DDX10: variants seen among roughly 807,000 people sequenced by gnomAD.
DDX10 encodes probable ATP-dependent RNA helicase DDX10.
A neutral mutation model predicts 104.3 loss-of-function variants in DDX10; 74 were observed. The observed-to-expected ratio is 0.71, with a 90% CI of 0.59 to 0.86. The LOEUF (loss-of-function observed/expected upper bound fraction) is 0.86. Among genes scored for constraint, DDX10 ranks in the 40% least tolerant of loss-of-function variants. The pLI, the probability that DDX10 is intolerant of heterozygous loss-of-function variation, is 0.00. For synonymous variants in DDX10, 351 were observed against 353.4 expected (o/e 0.99, Z 0.08); for missense variants, 952 against 1,040.0 (o/e 0.92, Z 1.16).
chr11:108,895,315 C>T (rs1407773305), intron 16 of DDX10, among the ~76,000 whole-genome samples: 2 of 150,822 alleles, frequency 1.3e-5, no homozygotes, highest in East Asian at 3.9e-4. Flanking sequence ...TTATTAGTTC[C>T]CTTGTGTTAT....
intron 13 of DDX10, among the ~76,000 whole-genome samples, chr11:108,768,396 G>A (rs1181700260): frequency 6.6e-6 from 1 of 152,184 alleles, no homozygotes; most frequent in Non-Finnish European, 1.5e-5. Context: ...TTGTTTATTA[G>A]TTGAGTTAAC....
chr11:108,682,380 C>T (rs1254591216), intron 6 of DDX10, among the ~76,000 whole-genome samples: 1 of 152,328 alleles, frequency 6.6e-6, no homozygotes, highest in East Asian at 1.9e-4. Flanking sequence ...GCTGGGATTA[C>T]AGGCCTGAGC....
At chr11:108,672,115 A>C (rs1004667101) in intron 1 of DDX10, among the ~76,000 whole-genome samples, 13 of 151,152 alleles carry the variant, frequency 8.6e-5, no homozygotes, top group Admixed American at 7.3e-4. Flanking sequence ...TTCTGTTGTA[A>C]TGCTTGATTG....
At chr11:108,828,738 C>T (rs559664187) in intron 13 of DDX10, among the ~76,000 whole-genome samples, 1 of 152,326 alleles carries the variant, frequency 6.6e-6, no homozygotes, top group Admixed American at 6.5e-5. Flanking sequence ...ATTCTCTTGT[C>T]TCAGCCTCCT....
chr11:108,719,745 A>G lies in DDX10; in HGVS notation c.1411-52A>G, dbSNP rs376469059. ...GCTAATTTTCTTATATTTTGGTCTA[A>G]ACTCATTTTTAATTTCTATTATATT... is the stretch of plus-strand genomic sequence containing the variant. On this transcript the variant is annotated intron_variant, in intron 11 of 17. Transcript: ENST00000322536. 1,491 of 1,178,970 alleles carry G rather than the reference A, an allele frequency of 1.3e-3. 1 individual carries two copies. The highest frequency in any genetic ancestry group is 1.7e-3 in the Non-Finnish European group (1,376 of 813,024). The allele number at this position is 1,178,970 out of a possible 1,614,324, so 73.0% of individuals were successfully genotyped here. A position where few individuals can be genotyped will look rare whatever the true frequency, so the allele number is the denominator to read the frequency against.
intron 16 of DDX10, among the ~76,000 whole-genome samples, chr11:108,895,439 C>G (rs913596799): frequency 6.6e-6 from 1 of 151,942 alleles, no homozygotes; most frequent in African/African-American, 2.4e-5. Flanking sequence ...TAAGGATTCA[C>G]TAGTTTTCCT....
At chr11:108,903,753 C>T (rs1863550576) in intron 16 of DDX10, among the ~76,000 whole-genome samples, 2 of 152,092 alleles carry the variant, frequency 1.3e-5, no homozygotes, top group African/African-American at 4.8e-5. Flanking sequence ...GGAACCAAGC[C>T]CCCACAGATA....
At chr11:108,761,944 A>G (rs2094351362) in intron 13 of DDX10, among the ~76,000 whole-genome samples, 1 of 152,164 alleles carries the variant, frequency 6.6e-6, no homozygotes, top group African/African-American at 2.4e-5. Flanking sequence ...TTCTACACTA[A>G]TATAAATATG....
rs191261344 is a variant in DDX10, at chr11:108,843,777, T to G, written c.2247+2301T>G. ...ATCGAAAAAAAAAAAAATTGCACAT[T>G]GAGAATTCATGCTTCTGCCTATATC... is the stretch of plus-strand genomic sequence containing the variant. On this transcript the variant is annotated intron_variant, in intron 15 of 17. Coordinates refer to ENST00000322536, the MANE Select transcript of DDX10 (RefSeq NM_004398.4). 8.7e-4 allele frequency among the ~76,000 whole-genome samples: 132 copies of G among 151,932 alleles called. 1 individual carries two copies. Among genetic ancestry groups the G allele is most frequent in the African/African-American group, 3.1e-3 (129 of 41,492 alleles).
intron 13 of DDX10, among the ~76,000 whole-genome samples, chr11:108,827,393 A>G (rs1052628675): frequency 2.6e-5 from 4 of 152,224 alleles, no homozygotes; most frequent in African/African-American, 9.6e-5. Flanking sequence ...TGTAATAGCC[A>G]TTGACTCAAG....
At chr11:108,877,595 T>G (rs750516538) in intron 16 of DDX10, among the ~76,000 whole-genome samples, 19 of 152,222 alleles carry the variant, frequency 1.2e-4, no homozygotes, top group Non-Finnish European at 1.0e-4. Context: ...ATGTCGGTTA[T>G]GCATGATGGA....
chr11:108,685,765 C>CTG (rs2094243060), intron 6 of DDX10, among the ~76,000 whole-genome samples: 2 of 152,184 alleles, frequency 1.3e-5, no homozygotes, highest in African/African-American at 4.8e-5. Flanking sequence ...CTTTTCTCTT[C>CTG]TGCCAAACAT....
chr11:108,677,613 G>A lies in DDX10; in HGVS notation c.537+370G>A, dbSNP rs116023563. On this transcript the variant is annotated intron_variant, in intron 4 of 17. Coordinates refer to ENST00000322536, the MANE Select transcript of DDX10 (RefSeq NM_004398.4). ...TTCAGAGGATTGCTACATCAGCAGC[G>A]TAAGAAAGGAAGGTAGACTCTTTAG... Among the ~76,000 whole-genome samples, 446 of 151,212 alleles carry A rather than the reference G, an allele frequency of 2.9e-3. 4 individuals are homozygous for A. The highest frequency in any genetic ancestry group is 0.01 in the African/African-American group (414 of 41,110).
At chr11:108,858,748 A>G (rs1862903506) in intron 16 of DDX10, among the ~76,000 whole-genome samples, 1 of 152,214 alleles carries the variant, frequency 6.6e-6, no homozygotes, top group Non-Finnish European at 1.5e-5. Context: ...TAAGATGTGC[A>G]TATTGATTTT....
chr11:108,749,510 A>T (rs997627591), intron 13 of DDX10, among the ~76,000 whole-genome samples: 1 of 152,164 alleles, frequency 6.6e-6, no homozygotes, highest in East Asian at 1.9e-4. Flanking sequence ...TAAAGAAATC[A>T]TATAACTTTC....
chr11:108,771,112 G>A (rs1362079569), intron 13 of DDX10, among the ~76,000 whole-genome samples: 1 of 152,098 alleles, frequency 6.6e-6, no homozygotes, highest in South Asian at 2.1e-4. Flanking sequence ...GTGATGTTGA[G>A]CACCTTTTCA....
intron 13 of DDX10, among the ~76,000 whole-genome samples, chr11:108,731,422 A>T (rs1323257877): frequency 6.6e-6 from 1 of 151,064 alleles, no homozygotes; most frequent in Admixed American, 6.6e-5. Flanking sequence ...ATTAATACTT[A>T]TTTTCACTCG....
chr11:108,808,236 A>G (rs1366266994), intron 13 of DDX10, among the ~76,000 whole-genome samples: 1 of 152,074 alleles, frequency 6.6e-6, no homozygotes, highest in Non-Finnish European at 1.5e-5. Context: ...TTTTCCAGTA[A>G]CTATTGTTGA....
At chr11:108,849,089 T>G (rs139359918) in intron 15 of DDX10, among the ~76,000 whole-genome samples, 495 of 152,266 alleles carry the variant, frequency 3.3e-3, no homozygotes, top group African/African-American at 0.011. Context: ...GTAAAATAGG[T>G]AACAGATTGG....
Sources: allele counts gnomAD v4.1 joint callset (sites outside exome capture counted in the v4.1 genomes callset), GRCh38; gene constraint gnomAD v4.1.1; transcripts MANE v1.5; gene names NCBI Gene and HGNC (gene_info 2026-07-23, HGNC 2026-07-21).